The following COXFA4 variants were observed in gnomAD, a reference collection of about 807,000 sequenced individuals.
The protein encoded by COXFA4 is cytochrome c oxidase associated subunit FA4.
chr7:10,937,899 C>T, the COXFA4 span: 1 of 589,740 alleles, frequency 1.7e-6, no homozygotes, highest in Non-Finnish European at 3.0e-6. Context: ...CTTATACTAG[C>T]AATTAAATAC....
At chr7:10,933,296 G>C in the COXFA4 span, 2 of 236,470 alleles carry the variant, frequency 8.5e-6, no homozygotes, top group South Asian at 6.3e-5. Flanking sequence ...CTCTAGTGAA[G>C]TTACCAACAG....
the COXFA4 span, chr7:10,932,055 C>A: frequency 6.6e-6 from 1 of 152,178 alleles, no homozygotes; most frequent in Non-Finnish European, 1.5e-5. Flanking sequence ...GCCAAAGGAT[C>A]TAGAGTAATT....
chr7:10,939,153 T>A, the COXFA4 span: 1 of 382,714 alleles, frequency 2.6e-6, no homozygotes, highest in Non-Finnish European at 4.9e-6. Flanking sequence ...TGGAGCAAAT[T>A]ATAGGTACAT....
the COXFA4 span, chr7:10,932,666 G>A: frequency 6.6e-6 from 1 of 152,064 alleles, no homozygotes; most frequent in East Asian, 1.9e-4. Context: ...TATACTTCCT[G>A]GCCTTTGAAA....
the COXFA4 span, among the ~76,000 whole-genome samples, chr7:10,937,026 A>G: frequency 6.6e-6 from 1 of 151,900 alleles, no homozygotes; most frequent in African/African-American, 2.4e-5. Flanking sequence ...ACAGAGTGAG[A>G]CTCTGTCTCC....
At chr7:10,937,249 A>G in the COXFA4 span, among the ~76,000 whole-genome samples, 2,146 of 151,668 alleles carry the variant, frequency 0.014, 39 homozygotes, top group African/African-American at 0.049. Flanking sequence ...ATGGTATGTG[A>G]ATGGTATGGT....
chr7:10,936,905 T>C, the COXFA4 span, among the ~76,000 whole-genome samples: 1 of 152,152 alleles, frequency 6.6e-6, no homozygotes, highest in East Asian at 1.9e-4. Flanking sequence ...GGTGTGGTTG[T>C]GCGTGCCATA....
chr7:10,934,394 A>AAAAAAAC, the COXFA4 span, among the ~76,000 whole-genome samples: 1 of 149,058 alleles, frequency 6.7e-6, no homozygotes, highest in African/African-American at 2.5e-5. Context: ...AAAAAAAAAA[A>AAAAAAAC]CTCCCTCTCT....
the COXFA4 span, among the ~76,000 whole-genome samples, chr7:10,934,529 A>C: frequency 2.7e-3 from 407 of 152,248 alleles, 1 homozygote; most frequent in African/African-American, 9.5e-3. Flanking sequence ...TGTGCCAAAG[A>C]ATGCTAAAGA....
chr7:10,939,096 G>A, the COXFA4 span: 1 of 512,056 alleles, frequency 2.0e-6, no homozygotes, highest in Non-Finnish European at 3.5e-6. Context: ...ATGGAATTTG[G>A]AAAGGATGTT....
chr7:10,933,567 G>A, the COXFA4 span: 10 of 1,242,744 alleles, frequency 8.0e-6, 1 homozygote, highest in East Asian at 9.3e-5. Context: ...CTGGTTAAGT[G>A]GAAAATTGTG....
chr7:10,940,019 C>G, the COXFA4 span: 6 of 1,613,902 alleles, frequency 3.7e-6, no homozygotes, highest in Non-Finnish European at 2.5e-6. Flanking sequence ...AACTTACGCT[C>G]GGATGCTTCT....
At chr7:10,940,038 C>A in the COXFA4 span, 1 of 1,613,834 alleles carries the variant, frequency 6.2e-7, no homozygotes, top group Non-Finnish European at 8.5e-7. Flanking sequence ...CTTGGCCTGA[C>A]CGATGATCTG....
the COXFA4 span, among the ~76,000 whole-genome samples, chr7:10,936,039 C>T: frequency 2.0e-5 from 3 of 152,122 alleles, no homozygotes; most frequent in Non-Finnish European, 4.4e-5. Flanking sequence ...CAGCAAGTCA[C>T]AAATCAAATC....
At chr7:10,939,620 C>G in the COXFA4 span, 1 of 192,852 alleles carries the variant, frequency 5.2e-6, no homozygotes, top group Non-Finnish European at 1.1e-5. Context: ...TGCAATGCGG[C>G]GAATACAAGA....
chr7:10,938,287 G>T, the COXFA4 span: 1 of 734,206 alleles, frequency 1.4e-6, no homozygotes. Context: ...AGTTGAAACA[G>T]GTAGAGGATC....
chr7:10,939,937 G>A, the COXFA4 span: 1 of 1,516,624 alleles, frequency 6.6e-7, no homozygotes, highest in Non-Finnish European at 9.1e-7. Flanking sequence ...AAATGAGGAC[G>A]TTCCCAGGGA....
At chr7:10,940,109 G>T in the COXFA4 span, 16 of 1,577,574 alleles carry the variant, frequency 1.0e-5, no homozygotes, top group Non-Finnish European at 1.4e-5. Flanking sequence ...CTAGCCACCA[G>T]GCCCTAAGCT....
chr7:10,935,967 G>A, the COXFA4 span, among the ~76,000 whole-genome samples: 12 of 152,228 alleles, frequency 7.9e-5, no homozygotes, highest in African/African-American at 2.2e-4. Context: ...GCAAAAGAAC[G>A]GAGGGACCAC....
Sources: gnomAD v4.1 joint callset for allele counts (sites outside exome capture counted in the v4.1 genomes callset) on GRCh38, gnomAD v4.1.1 for gene constraint, MANE v1.5 for transcripts, NCBI Gene and HGNC (gene_info 2026-07-23, HGNC 2026-07-21) for gene names.